NELL2: variants seen among roughly 807,000 people sequenced by gnomAD.
NELL2 encodes the protein protein kinase C-binding protein NELL2.
A neutral mutation model predicts 109.6 loss-of-function variants in NELL2; 41 were observed. That is an observed-to-expected ratio of 0.37 (90% CI 0.29 to 0.49). The LOEUF is 0.49. Among genes scored for constraint, NELL2 ranks in the 20% least tolerant of loss-of-function variants. NELL2 has a pLI of 0.98. For synonymous variants in NELL2, 355 were observed against 344.7 expected (o/e 1.03, Z -0.33); for missense variants, 900 against 1,008.3 (o/e 0.89, Z 1.45).
At chr12:44,729,575 A>AAAACG (rs147879024) in intron 9 of NELL2, among the ~76,000 whole-genome samples, 1 of 15,158 alleles carries the variant, frequency 6.6e-5, no homozygotes, top group African/African-American at 2.6e-4. Flanking sequence ...AAAAAAAAAA[A>AAAACG]AAACCAAGAG....
chr12:44,787,096 G>A (rs1942207253), intron 3 of NELL2, among the ~76,000 whole-genome samples: 1 of 151,914 alleles, frequency 6.6e-6, no homozygotes, highest in Admixed American at 6.6e-5. Context: ...GATACAATAT[G>A]ACATATAAAA....
intron 2 of NELL2, among the ~76,000 whole-genome samples, chr12:44,862,097 A>T (rs1944859773): frequency 6.6e-6 from 1 of 152,256 alleles, no homozygotes; most frequent in Non-Finnish European, 1.5e-5. Context: ...GAAAACCTCA[A>T]GAAAGTACAT....
chr12:44,912,102 C>T (rs1177114059), intron 1 of NELL2, among the ~76,000 whole-genome samples: 2 of 151,516 alleles, frequency 1.3e-5, no homozygotes, highest in East Asian at 1.9e-4. Flanking sequence ...TGGAAAAGCC[C>T]ACACAGAGAG....
chr12:44,695,848 G>A (rs1366881544), intron 12 of NELL2, among the ~76,000 whole-genome samples: 1 of 152,216 alleles, frequency 6.6e-6, no homozygotes, highest in African/African-American at 2.4e-5. Context: ...GCCAGGCATG[G>A]TGGTGCATGC....
At chr12:44,615,694 T>C (rs964684311) in intron 13 of NELL2, among the ~76,000 whole-genome samples, 3 of 152,262 alleles carry the variant, frequency 2.0e-5, no homozygotes, top group East Asian at 1.9e-4. Context: ...TGTCTTTTTG[T>C]TGTATGTGAA....
upstream of NELL2, among the ~76,000 whole-genome samples, chr12:44,915,625 G>A (rs1336764417): frequency 6.6e-6 from 1 of 152,114 alleles, no homozygotes; most frequent in Non-Finnish European, 1.5e-5. Flanking sequence ...AGTAAATGGA[G>A]ATTAAAATTC....
intron 3 of NELL2, among the ~76,000 whole-genome samples, chr12:44,797,921 T>TA (rs1434810265): frequency 1.4e-5 from 1 of 72,050 alleles, no homozygotes; most frequent in Non-Finnish European, 3.9e-5. Flanking sequence ...AATGATGGAA[T>TA]AAAACCATTC....
chr12:44,782,070 A>G (rs1349088057), intron 3 of NELL2, among the ~76,000 whole-genome samples: 2 of 152,058 alleles, frequency 1.3e-5, no homozygotes, highest in African/African-American at 4.8e-5. Context: ...AAATTGAAGC[A>G]AAAGAGTCTG....
chr12:44,876,757 C>A (rs1351242488), upstream of NELL2: 1 of 1,494,926 alleles, frequency 6.7e-7, no homozygotes, highest in South Asian at 1.3e-5. Context: ...CGGAGCAGCC[C>A]CGGGGTGCAG....
At chr12:44,791,096 T>TAC (rs1491151191) in intron 3 of NELL2, among the ~76,000 whole-genome samples, 1,730 of 23,832 alleles carry the variant, frequency 0.073, 197 homozygotes, top group African/African-American at 0.2. Flanking sequence ...TATATATATA[T>TAC]GTATATATAT....
chr12:44,782,089 A>G, intron 3 of NELL2, among the ~76,000 whole-genome samples: 1 of 152,036 alleles, frequency 6.6e-6, no homozygotes, highest in East Asian at 1.9e-4. Flanking sequence ...TGTGTCCTAA[A>G]TGTATGTTAA....
At chr12:44,883,188 T>C (rs978613816) in intron 1 of NELL2, among the ~76,000 whole-genome samples, 1 of 151,896 alleles carries the variant, frequency 6.6e-6, no homozygotes, top group Non-Finnish European at 1.5e-5. Context: ...GCCATAAGCC[T>C]GACACCAGAC....
At chr12:44,547,970 A>G (rs1018826771) in intron 15 of NELL2, among the ~76,000 whole-genome samples, 1 of 152,242 alleles carries the variant, frequency 6.6e-6, no homozygotes, top group Admixed American at 6.5e-5. Flanking sequence ...TAATTGAACC[A>G]ATCACAATCT....
At chr12:44,530,353 G>A (rs924261413) in intron 16 of NELL2, among the ~76,000 whole-genome samples, 1 of 152,218 alleles carries the variant, frequency 6.6e-6, no homozygotes, top group East Asian at 1.9e-4. Context: ...AGTATCCAAA[G>A]TCTGAGGAGA....
chr12:44,621,628 T>C (rs2136272290), intron 13 of NELL2, among the ~76,000 whole-genome samples: 1 of 152,198 alleles, frequency 6.6e-6, no homozygotes, highest in Middle Eastern at 3.4e-3. Flanking sequence ...GCCAAATGAA[T>C]TCTAAAAAAT....
At chr12:44,800,107 CATTA>C (rs140151860) in intron 3 of NELL2, among the ~76,000 whole-genome samples, 2,196 of 152,162 alleles carry the variant, frequency 0.014, 51 homozygotes, top group African/African-American at 0.05. Context: ...ATTGAGGAAT[CATTA>C]ATTACTTAGT....
intron 15 of NELL2, among the ~76,000 whole-genome samples, chr12:44,592,000 G>T (rs1944770332): frequency 6.6e-6 from 1 of 152,146 alleles, no homozygotes; most frequent in Non-Finnish European, 1.5e-5. Flanking sequence ...GCAAGGCAAG[G>T]ATACTTCTTG....
chr12:44,679,251 A>T lies in NELL2; in HGVS notation c.1319-13642T>A, dbSNP rs11182611. On this transcript the variant is annotated intron_variant, in intron 12 of 19. Transcript: ENST00000429094. ...TGGCTTATGAAATTGGAGCAGGAGGATGAAGAAGTTACTGTCTGTTTCTGT... is the reference window on the plus strand; with the variant it reads ...TGGCTTATGAAATTGGAGCAGGAGGTTGAAGAAGTTACTGTCTGTTTCTGT... 1.2e-3 allele frequency among the ~76,000 whole-genome samples: 189 copies of T among 152,208 alleles called. 3 individuals are homozygous for T. The East Asian group carries it at 0.027, about 21-fold the overall frequency.
intron 9 of NELL2, among the ~76,000 whole-genome samples, chr12:44,742,057 C>T (rs2136500606): frequency 6.6e-6 from 1 of 152,286 alleles, no homozygotes; most frequent in African/African-American, 2.4e-5. Flanking sequence ...GGGAGGCACC[C>T]CCCAGTAGGG....
Sources: gnomAD v4.1 joint callset for allele counts (sites outside exome capture counted in the v4.1 genomes callset) on GRCh38, gnomAD v4.1.1 for gene constraint, MANE v1.5 for transcripts, NCBI Gene and HGNC (gene_info 2026-07-23, HGNC 2026-07-21) for gene names.